MTA3: variants seen among roughly 807,000 people sequenced by gnomAD.
MTA3 encodes metastasis associated 1 family member 3.
MTA3 carries 34 observed loss-of-function variants against 83.5 expected under a neutral mutation model. The ratio of observed to expected loss-of-function variants is 0.41; its 90% CI spans 0.31 to 0.54. MTA3 has a LOEUF of 0.54. Ranked by LOEUF, MTA3 falls within the 20% of genes least tolerant of loss-of-function variation. MTA3 has a pLI of 0.33. For synonymous variants in MTA3, 303 were observed against 252.7 expected, an observed-to-expected ratio of 1.20 and a Z score of -1.89; for missense variants, 761 against 726.4, an observed-to-expected ratio of 1.05 and a Z score of -0.55.
intron 16 of MTA3, among the ~76,000 whole-genome samples, chr2:42,735,930 G>T (rs113587875): frequency 6.6e-6 from 1 of 152,148 alleles, no homozygotes; most frequent in African/African-American, 2.4e-5. Flanking sequence ...CTCTGGGATT[G>T]GTCACTGGTG....
chr2:42,538,762 T>TTTG lies in MTA3; in HGVS notation c.-140-31673_-140-31672insGTT, dbSNP rs1553339447. 1.5e-3 allele frequency among the ~76,000 whole-genome samples: 150 copies of TTTG among 99,692 alleles called. 1 individual carries two copies. Among genetic ancestry groups the TTTG allele is most frequent in the African/African-American group, 4.1e-3 (103 of 25,236 alleles). 65.4% of individuals were successfully genotyped at this position (99,692 alleles called of 152,430 possible). On this transcript the variant is annotated intron_variant, in intron 2 of 17. Transcript: ENST00000405592. ...AGAAAAGAAAAAGAAAAAAATGTTT[T>TTTG]TTTTGTTTTTTTTTGTTTTTTTTGA...
chr2:42,662,001 A>G (rs1030438470), intron 8 of MTA3, among the ~76,000 whole-genome samples: 1 of 152,076 alleles, frequency 6.6e-6, no homozygotes, highest in South Asian at 2.1e-4. Flanking sequence ...TAGTTGTATT[A>G]TTTATTATTC....
intron 16 of MTA3, among the ~76,000 whole-genome samples, chr2:42,751,958 T>A (rs1412812379): frequency 2.6e-5 from 4 of 152,280 alleles, no homozygotes; most frequent in African/African-American, 9.6e-5. Flanking sequence ...AATGAGCAGC[T>A]TGGTGTAGTA....
intron 15 of MTA3, among the ~76,000 whole-genome samples, 154 bp from the exon 16 acceptor site, chr2:42,722,735 T>C (rs947660903): frequency 2.6e-5 from 4 of 152,132 alleles, no homozygotes; most frequent in Non-Finnish European, 4.4e-5. Context: ...GCAACAACAC[T>C]TGAAGCTGAC....
chr2:42,596,552 T>C (rs933523894), intron 3 of MTA3, among the ~76,000 whole-genome samples: 6 of 152,230 alleles, frequency 3.9e-5, no homozygotes, highest in African/African-American at 1.4e-4. Context: ...TTAATTATGT[T>C]TTATGATATA....
chr2:42,680,854 G>A lies in MTA3; in HGVS notation c.703-1547G>A, dbSNP rs537623967. Among the ~76,000 whole-genome samples the A allele has an allele frequency of 8.3e-4, 127 of 152,200 alleles. 1 individual carries two copies. The highest frequency in any genetic ancestry group is 2.3e-3 in the Admixed American group (35 of 15,286). On this transcript the variant is annotated intron_variant, in intron 8 of 16. Transcript: ENST00000405094. Reference sequence around the variant, plus strand: ...GCAGCCTCGACCTCCCTGGGCTGAAGTGATTTTCTCATCTCAGACTCCTGA... The same window carrying A: ...GCAGCCTCGACCTCCCTGGGCTGAAATGATTTTCTCATCTCAGACTCCTGA...
intron 2 of MTA3, among the ~76,000 whole-genome samples, chr2:42,502,299 A>G (rs1421447075): frequency 6.6e-6 from 1 of 152,192 alleles, no homozygotes; most frequent in Non-Finnish European, 1.5e-5. Flanking sequence ...CAGGACCCTC[A>G]GGAAGAATTT....
intron 4 of MTA3, among the ~76,000 whole-genome samples, chr2:42,622,410 G>A (rs1685671941): frequency 6.6e-6 from 1 of 151,018 alleles, no homozygotes; most frequent in Non-Finnish European, 1.5e-5. Flanking sequence ...GAGGGGTAGG[G>A]GGAGGTAGAG....
intron 2 of MTA3, among the ~76,000 whole-genome samples, chr2:42,529,526 T>C (rs749151873): frequency 1.3e-5 from 2 of 152,238 alleles, no homozygotes; most frequent in Non-Finnish European, 2.9e-5. Context: ...CTCGTTTTTA[T>C]TTCCAATCTA....
At chr2:42,709,135 T>G in intron 14 of MTA3, 39 bp downstream of exon 14, 1 of 1,533,636 alleles carries the variant, frequency 6.5e-7, no homozygotes. Context: ...TATGTTGTGC[T>G]TCTGACCATT....
At chr2:42,703,377 C>G (rs1370983469) in intron 11 of MTA3, 3 of 152,066 alleles carry the variant, frequency 2.0e-5, no homozygotes, top group Non-Finnish European at 2.9e-5. Flanking sequence ...CCTAAGTGAC[C>G]TAGAGATGGG....
intron 3 of MTA3, among the ~76,000 whole-genome samples, chr2:42,584,699 C>T (rs1680058900): frequency 6.6e-6 from 1 of 151,998 alleles, no homozygotes; most frequent in Non-Finnish European, 1.5e-5. Flanking sequence ...CCCATTTTAA[C>T]AACAACAAAA....
At chr2:42,515,660 G>A (rs1243249161) in intron 2 of MTA3, among the ~76,000 whole-genome samples, 1 of 150,852 alleles carries the variant, frequency 6.6e-6, no homozygotes, top group Non-Finnish European at 1.5e-5. Flanking sequence ...GCACCACCTC[G>A]CTCGGCTAAT....
intron 2 of MTA3, among the ~76,000 whole-genome samples, chr2:42,523,871 C>T (rs907544657): frequency 6.6e-6 from 1 of 151,970 alleles, no homozygotes; most frequent in Admixed American, 6.6e-5. Context: ...GAGCCATGAT[C>T]GCACCATTGC....
chr2:42,642,803 C>A (rs1380651456), intron 5 of MTA3, among the ~76,000 whole-genome samples: 2 of 146,452 alleles, frequency 1.4e-5, no homozygotes, highest in African/African-American at 2.5e-5. Context: ...TGCCACCACA[C>A]CCGGCTGATT....
chr2:42,544,289 T>C (rs1034117064), intron 2 of MTA3, among the ~76,000 whole-genome samples: 1 of 151,604 alleles, frequency 6.6e-6, no homozygotes, highest in South Asian at 2.1e-4. Context: ...CTACTAAAAA[T>C]ACAAAAATTA....
At chr2:42,585,476 CTTTTTTT>C (rs35808147) in intron 3 of MTA3, among the ~76,000 whole-genome samples, 4 of 119,038 alleles carry the variant, frequency 3.4e-5, no homozygotes, top group Non-Finnish European at 5.1e-5. Context: ...TCTTTCTTTT[CTTTTTTT>C]TTTTTTTTTT....
intron 2 of MTA3, among the ~76,000 whole-genome samples, chr2:42,529,532 AT>A (rs1675862947): frequency 6.6e-6 from 1 of 152,160 alleles, no homozygotes; most frequent in South Asian, 2.1e-4. Context: ...TTTATTTCCA[AT>A]CTAAGGACTT....
intron 16 of MTA3, among the ~76,000 whole-genome samples, chr2:42,730,596 T>C (rs1668169399): frequency 6.6e-6 from 1 of 152,248 alleles, no homozygotes; most frequent in Non-Finnish European, 1.5e-5. Context: ...AAATGAATTG[T>C]TGAATTCAAT....
Sources: allele counts gnomAD v4.1 joint callset (sites outside exome capture counted in the v4.1 genomes callset), GRCh38; gene constraint gnomAD v4.1.1; transcripts MANE v1.5; gene names NCBI Gene and HGNC (gene_info 2026-07-23, HGNC 2026-07-21).